Variants in CTNNAL1 observed in about 807,000 individuals in gnomAD.
CTNNAL1 encodes alpha-catulin.
CTNNAL1 carries 69 observed loss-of-function variants against 93.6 expected under a neutral mutation model. The ratio of observed to expected loss-of-function variants is 0.74; its 90% confidence interval spans 0.61 to 0.90. The LOEUF (loss-of-function observed/expected upper bound fraction) is 0.90, where lower values mean the gene tolerates loss of function less well. Ranked by LOEUF, CTNNAL1 falls within the 40% of genes least tolerant of loss-of-function variation. CTNNAL1 has a pLI of 0.00. For synonymous variants in CTNNAL1, 286 were observed against 305.4 expected, an observed-to-expected ratio of 0.94 and a Z score of 0.66; for missense variants, 836 against 862.0, an observed-to-expected ratio of 0.97 and a Z score of 0.38.
chr9:109,001,172 CAAAAAAAA>C (rs757020475), intron 1 of CTNNAL1, among the ~76,000 whole-genome samples: 3 of 56,800 alleles, frequency 5.3e-5, no homozygotes, highest in African/African-American at 2.2e-4. Flanking sequence ...ACTCCATCTC[CAAAAAAAA>C]AAAAAAAAAA....
chr9:108,962,961 T>C (rs1191649701), intron 11 of CTNNAL1, among the ~76,000 whole-genome samples: 1 of 152,212 alleles, frequency 6.6e-6, no homozygotes, highest in African/African-American at 2.4e-5. Flanking sequence ...TTTCAACTTC[T>C]ACCCAATTCT....
At chr9:108,982,326 T>A (rs1193261858) in intron 6 of CTNNAL1, among the ~76,000 whole-genome samples, 2 of 152,184 alleles carry the variant, frequency 1.3e-5, no homozygotes, top group African/African-American at 4.8e-5. Flanking sequence ...TTTAAAGCAC[T>A]CAGAAAAGGG....
chr9:109,005,772 A>T (rs967142586), intron 1 of CTNNAL1, among the ~76,000 whole-genome samples: 1 of 152,214 alleles, frequency 6.6e-6, no homozygotes, highest in Admixed American at 6.5e-5. Context: ...TAAAATTTCA[A>T]TTACAAAGAA....
chr9:108,989,961 G>A (rs1276113661), intron 4 of CTNNAL1, among the ~76,000 whole-genome samples: 1 of 152,154 alleles, frequency 6.6e-6, no homozygotes, highest in Non-Finnish European at 1.5e-5. Flanking sequence ...TGAGGCATGA[G>A]AATCACTTGA....
At chr9:108,945,353 T>C (rs1330993184) in intron 15 of CTNNAL1, among the ~76,000 whole-genome samples, 1 of 152,212 alleles carries the variant, frequency 6.6e-6, no homozygotes. Context: ...TTAATGTAAA[T>C]GCTAAGTAAA....
At position 109,001,006 on chromosome 9, in the gene CTNNAL1, CA is replaced by C. The variant is rs72260036; in HGVS notation, c.142-1751del. The stretch of plus-strand genomic sequence containing the variant: ...TGAAACCCCATCTGTACTAAAAATA[CA>C]AAAAAAAAAAAAAAATTAGCCGGGT... On this transcript the variant is annotated intron_variant, in intron 1 of 18. Coordinates refer to ENST00000325551, the MANE Select transcript of CTNNAL1 (RefSeq NM_003798.4). 6.5e-3 allele frequency among the ~76,000 whole-genome samples: 820 copies of C among 126,986 alleles called. 11 individuals are homozygous for C. Among genetic ancestry groups the C allele is most frequent in the East Asian group, 0.038 (176 of 4,600 alleles). The allele number at this position is 126,986 out of a possible 152,430, so 83.3% of individuals were successfully genotyped here.
chr9:108,994,148 T>C (rs542785162), intron 2 of CTNNAL1, among the ~76,000 whole-genome samples: 3 of 152,166 alleles, frequency 2.0e-5, no homozygotes, highest in African/African-American at 7.2e-5. Flanking sequence ...AGAGAATCGC[T>C]TGGACCTGGG....
In CTNNAL1 at chr9:108,955,773, A is replaced by G. The variant is rs763051688; in HGVS notation, c.1629+17T>C. ...TGAATAAAAACATTCTGCAATGTAC[A>G]TAATTCTTCTACTTACCATTGGCTT... is the stretch of plus-strand genomic sequence containing the variant. On this transcript the variant is annotated intron_variant, in intron 12 of 18. Coordinates refer to ENST00000325551, the MANE Select transcript of CTNNAL1 (RefSeq NM_003798.4). 199 of 1,596,454 alleles carry G rather than the reference A, an allele frequency of 1.2e-4. No individual in the cohort carries two copies. The highest frequency in any genetic ancestry group is 1.6e-4 in the Non-Finnish European group (191 of 1,169,204).
At chr9:108,981,853 A>T (rs1433338745) in intron 6 of CTNNAL1, among the ~76,000 whole-genome samples, 1 of 152,222 alleles carries the variant, frequency 6.6e-6, no homozygotes, top group Non-Finnish European at 1.5e-5. Flanking sequence ...TGAACCCAGG[A>T]GGTGGAGGTT....
At chr9:108,945,094 A>C (rs918190972) in intron 15 of CTNNAL1, among the ~76,000 whole-genome samples, 1 of 152,170 alleles carries the variant, frequency 6.6e-6, no homozygotes. Flanking sequence ...ATACAGTATG[A>C]TGGTTTTAAA....
intron 15 of CTNNAL1, among the ~76,000 whole-genome samples, chr9:108,946,147 A>C (rs1452499428): frequency 6.6e-6 from 1 of 152,000 alleles, no homozygotes; most frequent in Non-Finnish European, 1.5e-5. Context: ...AAAAATACAA[A>C]AATTAGCTGG....
At chr9:108,985,674 G>A (rs56934596) in intron 4 of CTNNAL1, among the ~76,000 whole-genome samples, 1 of 152,260 alleles carries the variant, frequency 6.6e-6, no homozygotes, top group East Asian at 1.9e-4. Flanking sequence ...TCCATCATGG[G>A]TACCTATCAG....
intron 14 of CTNNAL1, among the ~76,000 whole-genome samples, chr9:108,949,410 C>CT (rs1317120809): frequency 6.6e-6 from 1 of 152,104 alleles, no homozygotes; most frequent in Admixed American, 6.5e-5. Flanking sequence ...ATGCTATAAT[C>CT]TTTTTTTAAA....
chr9:108,984,297 G>T, intron 5 of CTNNAL1, 50 bp downstream of exon 5: 2 of 869,506 alleles, frequency 2.3e-6, no homozygotes, highest in South Asian at 1.5e-5. Flanking sequence ...GCATTTAGTC[G>T]GGTGTTCTAA....
intron 10 of CTNNAL1, among the ~76,000 whole-genome samples, chr9:108,968,113 C>T (rs1312212804): frequency 6.6e-6 from 1 of 152,212 alleles, no homozygotes; most frequent in South Asian, 2.1e-4. Flanking sequence ...CCATGGACTA[C>T]AGGCTAGATT....
chr9:108,989,724 C>A (rs1436955099), intron 4 of CTNNAL1, among the ~76,000 whole-genome samples: 1 of 152,198 alleles, frequency 6.6e-6, no homozygotes. Context: ...AACTGAGGAG[C>A]TTACTGTCTG....
At chr9:108,944,700 G>C (rs896647525) in intron 15 of CTNNAL1, among the ~76,000 whole-genome samples, 5 of 152,136 alleles carry the variant, frequency 3.3e-5, no homozygotes, top group African/African-American at 1.2e-4. Context: ...AGGGAGGAAG[G>C]CTTAGTTTTA....
intron 1 of CTNNAL1, among the ~76,000 whole-genome samples, chr9:109,005,975 T>C (rs985435012): frequency 1.1e-4 from 16 of 152,234 alleles, no homozygotes; most frequent in Non-Finnish European, 1.6e-4. Context: ...TAAGTCAATA[T>C]GTAACATTCT....
chr9:108,957,323 T>C (rs1281867557), intron 11 of CTNNAL1, among the ~76,000 whole-genome samples: 1 of 152,136 alleles, frequency 6.6e-6, no homozygotes, highest in East Asian at 1.9e-4. Context: ...CTCACTGTGT[T>C]GCCCAGGATG....
Sources: gnomAD v4.1 joint callset for allele counts (sites outside exome capture counted in the v4.1 genomes callset) on GRCh38, gnomAD v4.1.1 for gene constraint, MANE v1.5 for transcripts, NCBI Gene and HGNC (gene_info 2026-07-23, HGNC 2026-07-21) for gene names.